Variants in MBNL1 observed in about 807,000 individuals in gnomAD.
MBNL1 encodes the protein muscleblind like splicing regulator 1.
In MBNL1, 8 loss-of-function variants were observed where a neutral mutation model predicts 42.2. That is an observed-to-expected ratio of 0.19 (90% CI 0.11 to 0.34). MBNL1 has a LOEUF of 0.34. Among genes scored for constraint, MBNL1 ranks in the 10% least tolerant of loss-of-function variants. The pLI, the probability that MBNL1 is intolerant of heterozygous loss-of-function variation, is 1.00. For missense variants in MBNL1, 309 were observed against 495.3 expected, an observed-to-expected ratio of 0.62 and a Z score of 3.57; for synonymous variants, 169 against 173.9, an observed-to-expected ratio of 0.97 and a Z score of 0.22.
At chr3:152,250,453 T>G (rs1337077029) in intron 2 of MBNL1, among the ~76,000 whole-genome samples, 1 of 151,920 alleles carries the variant, frequency 6.6e-6, no homozygotes, top group East Asian at 1.9e-4. Context: ...TGCTTGTGAT[T>G]TTTGTGCATT....
At chr3:152,332,923 A>G (rs987416422) in intron 2 of MBNL1, among the ~76,000 whole-genome samples, 2 of 152,130 alleles carry the variant, frequency 1.3e-5, no homozygotes, top group Non-Finnish European at 2.9e-5. Flanking sequence ...GAGCTGACTG[A>G]AATTAACCCA....
At chr3:152,410,057 A>T (rs1579819706) in intron 2 of MBNL1, among the ~76,000 whole-genome samples, 1 of 152,012 alleles carries the variant, frequency 6.6e-6, no homozygotes, top group Admixed American at 6.6e-5. Context: ...TTGATTGGCT[A>T]TTAATTACCT....
chr3:152,251,285 T>C (rs1013150205), intron 2 of MBNL1, among the ~76,000 whole-genome samples: 2 of 152,124 alleles, frequency 1.3e-5, no homozygotes, highest in African/African-American at 4.8e-5. Flanking sequence ...TGTTAAGTGA[T>C]AAGTAAAAAT....
chr3:152,420,883 A>G (rs1044753575), intron 3 of MBNL1, among the ~76,000 whole-genome samples: 8 of 152,224 alleles, frequency 5.3e-5, no homozygotes, highest in African/African-American at 1.7e-4. Flanking sequence ...AAAAGATTAC[A>G]GGAACTGCTA....
chr3:152,321,160 G>A (rs2076255807), intron 2 of MBNL1, among the ~76,000 whole-genome samples: 1 of 152,106 alleles, frequency 6.6e-6, no homozygotes, highest in African/African-American at 2.4e-5. Flanking sequence ...GGTGCCAGTA[G>A]TACTGACAAT....
At chr3:152,399,513 T>G (rs141883872) in intron 2 of MBNL1, among the ~76,000 whole-genome samples, 1 of 151,598 alleles carries the variant, frequency 6.6e-6, no homozygotes, top group East Asian at 1.9e-4. Context: ...CTTATTTAAT[T>G]AATTATTTTT....
At chr3:152,446,824 A>G (rs960350464) in intron 5 of MBNL1, 3 of 1,333,992 alleles carry the variant, frequency 2.2e-6, no homozygotes, top group Non-Finnish European at 3.1e-6. Context: ...TTTTTTTTAA[A>G]TCAACTTTAA....
intron 2 of MBNL1, among the ~76,000 whole-genome samples, chr3:152,375,751 T>A (rs1280233825): frequency 6.6e-6 from 1 of 151,690 alleles, no homozygotes; most frequent in East Asian, 1.9e-4. Flanking sequence ...CCCTGGAGGT[T>A]GAGGCTGCAG....
At chr3:152,277,378 A>C (rs1252892839) in intron 1 of MBNL1, among the ~76,000 whole-genome samples, 1 of 152,154 alleles carries the variant, frequency 6.6e-6, no homozygotes, top group East Asian at 1.9e-4. Flanking sequence ...TGTGTAACCT[A>C]TCCTTAGTGA....
chr3:152,378,709 T>G (rs912269204), intron 2 of MBNL1, among the ~76,000 whole-genome samples: 2 of 152,168 alleles, frequency 1.3e-5, no homozygotes, highest in Non-Finnish European at 2.9e-5. Context: ...TTTTTATCCT[T>G]ATGTTATTTA....
chr3:152,404,953 T>C (rs35363323), intron 2 of MBNL1, among the ~76,000 whole-genome samples: 5,071 of 152,074 alleles, frequency 0.033, 286 homozygotes, highest in African/African-American at 0.12. Context: ...CTTAAAAATA[T>C]TGTTGATACT....
intron 2 of MBNL1, among the ~76,000 whole-genome samples, chr3:152,327,963 T>C (rs987418285): frequency 2.0e-5 from 3 of 152,110 alleles, no homozygotes; most frequent in African/African-American, 7.2e-5. Flanking sequence ...ACAAGGAAGT[T>C]TTTATTAATT....
chr3:152,439,549 G>A (rs2099120155), intron 4 of MBNL1, among the ~76,000 whole-genome samples: 1 of 152,146 alleles, frequency 6.6e-6, no homozygotes, highest in Non-Finnish European at 1.5e-5. Context: ...AGAGGTTTAT[G>A]TAGGTTGTTT....
intron 1 of MBNL1, among the ~76,000 whole-genome samples, chr3:152,273,998 A>G (rs2043405929): frequency 6.6e-6 from 1 of 152,218 alleles, no homozygotes; most frequent in South Asian, 2.1e-4. Flanking sequence ...GAATTGTGGT[A>G]AATATGAAAT....
At chr3:152,265,321 A>C (rs2037014304), upstream of MBNL1, 1 of 152,156 alleles carries the variant, frequency 6.6e-6, no homozygotes, top group Non-Finnish European at 1.5e-5. Flanking sequence ...TGGTATAATA[A>C]AAATAGCATT....
At chr3:152,436,406 T>G (rs1295409655) in intron 4 of MBNL1, among the ~76,000 whole-genome samples, 1 of 152,210 alleles carries the variant, frequency 6.6e-6, no homozygotes, top group Non-Finnish European at 1.5e-5. Flanking sequence ...GATTTGTCAT[T>G]ACACAACTGT....
intron 2 of MBNL1, among the ~76,000 whole-genome samples, chr3:152,350,069 G>A (rs941064344): frequency 6.6e-6 from 1 of 152,014 alleles, no homozygotes; most frequent in African/African-American, 2.4e-5. Flanking sequence ...GTAAGAAGAA[G>A]GAATCTAAAG....
At chr3:152,431,591 C>G (rs2099007386) in intron 3 of MBNL1, among the ~76,000 whole-genome samples, 1 of 152,000 alleles carries the variant, frequency 6.6e-6, no homozygotes, top group South Asian at 2.1e-4. Flanking sequence ...CTCTTTTATT[C>G]TAAAGAGTCT....
chr3:152,442,241 A>T (rs1284892600), intron 4 of MBNL1, among the ~76,000 whole-genome samples: 1 of 152,196 alleles, frequency 6.6e-6, no homozygotes, highest in Non-Finnish European at 1.5e-5. Context: ...AATTATCTAG[A>T]TATCCTCCAA....
Sources: gnomAD v4.1 joint callset for allele counts (sites outside exome capture counted in the v4.1 genomes callset) on GRCh38, gnomAD v4.1.1 for gene constraint, MANE v1.5 for transcripts, NCBI Gene and HGNC (gene_info 2026-07-23, HGNC 2026-07-21) for gene names.